The following DENND4C variants were observed in gnomAD, a reference collection of about 807,000 sequenced individuals.
The protein encoded by DENND4C is DENN domain-containing protein 4C.
A neutral mutation model predicts 203.0 loss-of-function variants in DENND4C; 108 were observed. The ratio of observed to expected loss-of-function variants is 0.53; its 90% CI spans 0.46 to 0.62. DENND4C has a LOEUF of 0.62. DENND4C is among the 20% of genes least tolerant of loss of function. DENND4C has a pLI of 0.00. For missense variants in DENND4C, 2,481 were observed against 2,301.2 expected, an observed-to-expected ratio of 1.08 and a Z score of -1.60; for synonymous variants, 871 against 792.4, an observed-to-expected ratio of 1.10 and a Z score of -1.67.
intron 9 of DENND4C, 45 bp from the exon 10 acceptor site, chr9:19,305,307 T>G (rs934047516): frequency 4.6e-6 from 7 of 1,537,660 alleles, no homozygotes; most frequent in Non-Finnish European, 5.3e-6. Context: ...ATATTTTTTA[T>G]TGCAAATTTA....
chr9:19,370,186 G>T (rs969256559), intron 31 of DENND4C, 199 bp downstream of exon 31: 2 of 605,972 alleles, frequency 3.3e-6, no homozygotes, highest in Non-Finnish European at 5.5e-6. Context: ...GGCTTGGCAC[G>T]GTGGCTCACA....
chr9:19,314,229 C>T (rs961910985), intron 10 of DENND4C, among the ~76,000 whole-genome samples: 8 of 152,070 alleles, frequency 5.3e-5, no homozygotes, highest in Non-Finnish European at 1.2e-4. Flanking sequence ...CTGATGCAGG[C>T]GGATCACGAG....
At chr9:19,301,692 A>G (rs1222183230) in intron 9 of DENND4C, among the ~76,000 whole-genome samples, 2 of 152,214 alleles carry the variant, frequency 1.3e-5, no homozygotes, top group Non-Finnish European at 2.9e-5. Context: ...TAATCCCAGC[A>G]CTTTGGGAGG....
chr9:19,273,243 G>A (rs1455610152), intron 1 of DENND4C, among the ~76,000 whole-genome samples: 1 of 151,804 alleles, frequency 6.6e-6, no homozygotes, highest in Non-Finnish European at 1.5e-5. Context: ...GAGCCACTGC[G>A]CCTGGCAATT....
At chr9:19,258,715 C>T (rs1173060014) in intron 1 of DENND4C, among the ~76,000 whole-genome samples, 5 of 151,520 alleles carry the variant, frequency 3.3e-5, no homozygotes, top group African/African-American at 2.4e-5. Context: ...AGTGCAGTGG[C>T]GTGATCTCGG....
chr9:19,295,881 T>A, intron 5 of DENND4C, 127 bp from the exon 6 acceptor site: 1 of 683,270 alleles, frequency 1.5e-6, no homozygotes, highest in Non-Finnish European at 2.3e-6. Context: ...TGGGTGAGAT[T>A]TTTTTTTTCA....
At chr9:19,368,182 T>C (rs1042650548) in intron 30 of DENND4C, among the ~76,000 whole-genome samples, 7 of 152,088 alleles carry the variant, frequency 4.6e-5, no homozygotes, top group African/African-American at 1.7e-4. Context: ...AAGTCTATCA[T>C]TTAGCAGGTG....
In DENND4C at chr9:19,326,139, A is replaced by G. The variant is rs1817783304; in HGVS notation, c.2065A>G (p.Ile689Val). The change falls in exon 15 of 33, where the codon ATA (isoleucine) becomes GTA (valine). Residue 689 changes from isoleucine to valine, a missense_variant. Physicochemically the swap from Ile to Val is conservative, Grantham distance 29. Coordinates refer to ENST00000434457, the MANE Select transcript of DENND4C (RefSeq NM_001330640.2). ...DSQKSEHTVF[I>V]MPPEPPPDDG... ...ACAGAAAAGTGAGCATACTGTATTT[A>G]TAATGCCGCCAGAGCCACCTCCTGA... 6 of 1,613,436 alleles carry G rather than the reference A, an allele frequency of 3.7e-6. No homozygotes were observed. The highest frequency in any genetic ancestry group is 3.3e-5 in the South Asian group (3 of 90,970).
chr9:19,238,755 G>A (rs922045819), intron 1 of DENND4C, among the ~76,000 whole-genome samples: 7 of 145,756 alleles, frequency 4.8e-5, no homozygotes, highest in Admixed American at 7.0e-5. Flanking sequence ...CCGGGTTCAA[G>A]TGATTCTCCT....
chr9:19,292,088 G>A (rs776224253), intron 5 of DENND4C, among the ~76,000 whole-genome samples: 7 of 151,748 alleles, frequency 4.6e-5, no homozygotes, highest in Middle Eastern at 6.8e-3. Context: ...GCAGTGGTGC[G>A]ATCTCGGCTC....
rs149829107 is a variant in DENND4C, at chr9:19,296,975, C to G, written c.1040+729C>G. On this transcript the variant is annotated intron_variant, in intron 6 of 32. Transcript: ENST00000434457. Reference sequence around the variant, plus strand: ...GCATTGACAGAATTATTTGAGCTTTCTCTTTAATTTTTAATTCTTTTTGTC... The same window carrying G: ...GCATTGACAGAATTATTTGAGCTTTGTCTTTAATTTTTAATTCTTTTTGTC... Among the ~76,000 whole-genome samples, 309 of 152,252 alleles carry G rather than the reference C, an allele frequency of 2.0e-3. 4 individuals carry two copies. The highest frequency in any genetic ancestry group is 0.01 in the Middle Eastern group (3 of 294).
chr9:19,275,590 C>T (rs1189345662), intron 1 of DENND4C, among the ~76,000 whole-genome samples: 1 of 152,140 alleles, frequency 6.6e-6, no homozygotes, highest in Non-Finnish European at 1.5e-5. Flanking sequence ...CCTGCCTCAG[C>T]CTCCCGGGTA....
intron 1 of DENND4C, among the ~76,000 whole-genome samples, chr9:19,249,517 A>T (rs1049261766): frequency 5.3e-5 from 8 of 152,120 alleles, no homozygotes; most frequent in African/African-American, 1.9e-4. Flanking sequence ...CGGCCTCCCA[A>T]AGTGCTGGGA....
In DENND4C at chr9:19,358,268, A is replaced by G. The variant is rs1403727225; in HGVS notation, c.5160+108A>G. On this transcript the variant is annotated intron_variant, in intron 28 of 32. Coordinates refer to ENST00000434457, the MANE Select transcript of DENND4C (RefSeq NM_001330640.2). This position sits in a 1 kb window ranked among gnomAD's most constrained non-coding sequence, Gnocchi z 4.8. Reference sequence around the variant, plus strand: ...ACTTATTTTAATTACATGAAAAGTGATAGAGTTTTTCCATAAACAAATAAC... The same window carrying G: ...ACTTATTTTAATTACATGAAAAGTGGTAGAGTTTTTCCATAAACAAATAAC... 3 of 928,650 alleles carry G rather than the reference A, an allele frequency of 3.2e-6. No individual in the cohort carries two copies. The highest frequency in any genetic ancestry group is 2.9e-5 in the South Asian group (1 of 34,860). 57.5% of individuals were successfully genotyped at this position (928,650 alleles called of 1,614,324 possible).
At chr9:19,313,918 A>C (rs537115345) in intron 10 of DENND4C, among the ~76,000 whole-genome samples, 120 of 152,324 alleles carry the variant, frequency 7.9e-4, no homozygotes, top group African/African-American at 2.8e-3. Flanking sequence ...ACAAGGCATA[A>C]GAATGATGCA....
At chr9:19,370,094 T>C (rs1421509381) in intron 31 of DENND4C, 107 bp downstream of exon 31, 2 of 1,287,606 alleles carry the variant, frequency 1.6e-6, no homozygotes, top group East Asian at 2.5e-5. Context: ...CACATACTCA[T>C]TGCAAAACAT....
chr9:19,338,760 G>T (rs1821012955), intron 20 of DENND4C, among the ~76,000 whole-genome samples: 1 of 152,092 alleles, frequency 6.6e-6, no homozygotes, highest in South Asian at 2.1e-4. Flanking sequence ...CTTTTTGAGG[G>T]AGCTAGTAAA....
chr9:19,283,632 A>G lies in DENND4C; in HGVS notation c.306-3137A>G, dbSNP rs556242412. Among the ~76,000 whole-genome samples, 100 of 118,676 alleles carry G rather than the reference A, an allele frequency of 8.4e-4. 1 individual carries two copies. The East Asian group carries it at 0.019, about 22-fold the overall frequency. The allele number at this position is 118,676 out of a possible 152,430, so 77.9% of individuals were successfully genotyped here. A position where few individuals can be genotyped will look rare whatever the true frequency, so the allele number is the denominator to read the frequency against. On this transcript the variant is annotated intron_variant, in intron 2 of 32. Transcript: ENST00000434457. ...TTTCTTTTTTTTTTTTTTTTTTGAG[A>G]CAGAGTTTCGTTCTTGTTGCTCAGG...
chr9:19,324,441 TGAA>T lies in DENND4C; in HGVS notation c.1891_1893del (p.Glu631del). The T allele has an allele frequency of 6.2e-7, 1 of 1,613,192 alleles. No individual in the cohort carries two copies. The highest frequency in any genetic ancestry group is 8.5e-7 in the Non-Finnish European group (1 of 1,179,642). On this transcript the variant is annotated inframe_deletion, in exon 13 of 33. Coordinates refer to ENST00000434457, the MANE Select transcript of DENND4C (RefSeq NM_001330640.2). ...AAACACAGATTTTTATTCGTTTCAT[TGAA>T]GAATGCAGTTTTGTAAGTGATAAAG... is the stretch of plus-strand genomic sequence containing the variant.
Sources: allele counts gnomAD v4.1 joint callset (sites outside exome capture counted in the v4.1 genomes callset), GRCh38; gene constraint gnomAD v4.1.1; non-coding constraint Gnocchi (gnomAD v3.1); transcripts MANE v1.5; gene names NCBI Gene and HGNC (gene_info 2026-07-23, HGNC 2026-07-21).